NKAIN1: variants seen among roughly 807,000 people sequenced by gnomAD.
NKAIN1 encodes the protein sodium/potassium transporting ATPase interacting 1, also known as sodium/potassium-transporting ATPase subunit beta-1-interacting protein 1.
Under a neutral mutation model 31.6 loss-of-function variants are expected in NKAIN1, and 13 were observed. The observed-to-expected ratio is 0.41, with a 90% CI of 0.27 to 0.65. The LOEUF (loss-of-function observed/expected upper bound fraction) is 0.65, where lower values mean the gene tolerates loss of function less well. Among genes scored for constraint, NKAIN1 ranks in the 30% least tolerant of loss-of-function variants. The pLI, the probability that NKAIN1 is intolerant of heterozygous loss-of-function variation, is 0.30. For synonymous variants in NKAIN1, 104 were observed against 109.0 expected, an observed-to-expected ratio of 0.95 and a Z score of 0.28; for missense variants, 193 against 262.2, an observed-to-expected ratio of 0.74 and a Z score of 1.82.
At chr1:31,220,197 A>G (rs1199342440) in intron 1 of NKAIN1, among the ~76,000 whole-genome samples, 2 of 101,548 alleles carry the variant, frequency 2.0e-5, no homozygotes, top group Non-Finnish European at 4.2e-5. Flanking sequence ...TTTTTTTTTT[A>G]GTACAGACGG....
At chr1:31,192,198 G>T (rs1439473633) in intron 1 of NKAIN1, among the ~76,000 whole-genome samples, 1 of 152,172 alleles carries the variant, frequency 6.6e-6, no homozygotes, top group Non-Finnish European at 1.5e-5. Context: ...TGGAGTGGGG[G>T]CTGTTCTTCC....
Position 31,218,034 on chromosome 1 carries a change from TTCTTTCTTTC to T in NKAIN1, c.54+21450_54+21459del, listed in dbSNP as rs1306428191. 4.1e-5 allele frequency among the ~76,000 whole-genome samples: 4 copies of T among 96,774 alleles called. No homozygotes were observed. In the East Asian group the frequency reaches 1.3e-3, roughly 31 times the overall value. 63.5% of individuals were successfully genotyped at this position (96,774 alleles called of 152,430 possible). ...GCTACCATTTTCTTTCTTTCTTTCT[TTCTTTCTTTC>T]TTTCTTTCTTTCTTTCTTTCTTTCT... On this transcript the variant is annotated intron_variant, in intron 1 of 6. Coordinates refer to ENST00000373736, the MANE Select transcript of NKAIN1 (RefSeq NM_024522.3).
intron 4 of NKAIN1, among the ~76,000 whole-genome samples, chr1:31,183,436 C>CTTTTTTTTTTTTTTTTTTTT (rs3046278): frequency 1.9e-5 from 2 of 106,718 alleles, no homozygotes; most frequent in African/African-American, 1.1e-4. Context: ...TTCATTCCCT[C>CTTTTTTTTTTTTTTTTTTTT]TTTTTTTTTT....
chr1:31,220,174 ATTTTTTT>A (rs552267355), intron 1 of NKAIN1, among the ~76,000 whole-genome samples: 1 of 127,278 alleles, frequency 7.9e-6, no homozygotes, highest in African/African-American at 2.7e-5. Flanking sequence ...CGCCCAGCTA[ATTTTTTT>A]TTTTTTTTTT....
At chr1:31,226,771 G>A (rs898783328) in intron 1 of NKAIN1, among the ~76,000 whole-genome samples, 10 of 151,730 alleles carry the variant, frequency 6.6e-5, no homozygotes, top group African/African-American at 2.2e-4. Flanking sequence ...TAATCTGCCC[G>A]CCTCCGTCTC....
At chr1:31,212,551 C>T (rs1019261750) in intron 1 of NKAIN1, among the ~76,000 whole-genome samples, 2 of 152,072 alleles carry the variant, frequency 1.3e-5, no homozygotes, top group Non-Finnish European at 2.9e-5. Context: ...GCCGCAGGCA[C>T]ACACCACCAA....
chr1:31,208,805 G>A (rs977457753), intron 1 of NKAIN1, among the ~76,000 whole-genome samples: 3 of 152,196 alleles, frequency 2.0e-5, no homozygotes, highest in African/African-American at 4.8e-5. Context: ...TTCCTGTTCC[G>A]TGCCACACTC....
chr1:31,239,487 C>T lies in NKAIN1; in HGVS notation c.54+7G>A. On this transcript the variant is annotated splice_region_variant and intron_variant, in intron 1 of 6. Coordinates refer to ENST00000373736, the MANE Select transcript of NKAIN1 (RefSeq NM_024522.3). This position sits in a 1 kb window ranked among gnomAD's most constrained non-coding sequence, Gnocchi z 4.8. ...CTGCCCCGACTGCCTGGGCACGCGA[C>T]GCTTACCAGCTGCAGGCAGCAGAAG... 6.9e-7 allele frequency: 1 copy of T among 1,439,750 alleles called. No individual in the cohort carries two copies. The highest frequency in any genetic ancestry group is 9.1e-7 in the Non-Finnish European group (1 of 1,101,024). The allele number at this position is 1,439,750 out of a possible 1,614,324, so 89.2% of individuals were successfully genotyped here.
intron 1 of NKAIN1, among the ~76,000 whole-genome samples, chr1:31,212,402 C>CTTTCTTTCTT (rs1557658033): frequency 4.9e-5 from 3 of 61,082 alleles, no homozygotes; most frequent in African/African-American, 1.2e-4. Flanking sequence ...GTAATAGTTT[C>CTTTCTTTCTT]TTTTTTTTTT....
chr1:31,197,924 G>A (rs1251539895), intron 1 of NKAIN1, among the ~76,000 whole-genome samples: 2 of 151,980 alleles, frequency 1.3e-5, no homozygotes, highest in Non-Finnish European at 2.9e-5. Flanking sequence ...TGGTGTGATC[G>A]CGGCTCACTG....
chr1:31,232,424 TAGAGAGAG>T (rs34605060), intron 1 of NKAIN1, among the ~76,000 whole-genome samples: 239 of 16,854 alleles, frequency 0.014, 7 homozygotes, highest in Middle Eastern at 0.083. Flanking sequence ...TATATATATA[TAGAGAGAG>T]AGAGAGAGAG....
chr1:31,223,067 G>A (rs951751941), intron 1 of NKAIN1, among the ~76,000 whole-genome samples: 4 of 152,118 alleles, frequency 2.6e-5, no homozygotes, highest in African/African-American at 7.2e-5. Flanking sequence ...AAAAGCAGCG[G>A]CTCTGGGATC....
intron 1 of NKAIN1, among the ~76,000 whole-genome samples, chr1:31,235,181 C>T (rs1246696067): frequency 2.0e-5 from 3 of 152,036 alleles, no homozygotes; most frequent in African/African-American, 7.2e-5. Context: ...ATGGGGATTC[C>T]CTAGGGCAAA....
intron 1 of NKAIN1, among the ~76,000 whole-genome samples, chr1:31,195,473 GC>G (rs1472243468): frequency 6.6e-6 from 1 of 151,808 alleles, no homozygotes. Context: ...GCCGCGGCTG[GC>G]CCCCGCCACC....
In NKAIN1 at chr1:31,211,967, C is replaced by CAAAAA. The variant is rs1197251304; in HGVS notation, c.55-23785_55-23781dup. Among the ~76,000 whole-genome samples, 161 of 149,412 alleles carry CAAAAA rather than the reference C, an allele frequency of 1.1e-3. 1 individual carries two copies. The highest frequency in any genetic ancestry group is 4.0e-3 in the African/African-American group (156 of 39,370). ...AAAAACAAAACAAAACAAAACAAAA[C>CAAAAA]AAAAATATATATATGGAGTTCAAAT... On this transcript the variant is annotated intron_variant, in intron 1 of 6. Coordinates refer to ENST00000373736, the MANE Select transcript of NKAIN1 (RefSeq NM_024522.3).
At chr1:31,196,198 G>T (rs1645325042) in intron 1 of NKAIN1, among the ~76,000 whole-genome samples, 1 of 151,952 alleles carries the variant, frequency 6.6e-6, no homozygotes, top group Non-Finnish European at 1.5e-5. Context: ...GGCCAACATG[G>T]TGAAACCCCG....
chr1:31,187,246 T>TCGAGGGAAAAG (rs1645251062), intron 2 of NKAIN1, among the ~76,000 whole-genome samples: 1 of 152,048 alleles, frequency 6.6e-6, no homozygotes, highest in South Asian at 2.1e-4. Context: ...ATGTAGTAAA[T>TCGAGGGAAAAG]CTAGTGAAAA....
intron 1 of NKAIN1, among the ~76,000 whole-genome samples, chr1:31,218,072 T>TCTCTCTCTCTC (rs1645531953): frequency 3.2e-5 from 1 of 31,268 alleles, no homozygotes; most frequent in Non-Finnish European, 9.0e-5. Context: ...TTCTTTCTTT[T>TCTCTCTCTCTC]TTTTTTTTGA....
chr1:31,224,087 G>C (rs758649520), intron 1 of NKAIN1, among the ~76,000 whole-genome samples: 10 of 152,136 alleles, frequency 6.6e-5, no homozygotes, highest in African/African-American at 1.9e-4. Flanking sequence ...CCTGTAAAGC[G>C]GTTTCCAGTG....
Sources: gnomAD v4.1 joint callset for allele counts (sites outside exome capture counted in the v4.1 genomes callset) on GRCh38, gnomAD v4.1.1 for gene constraint, Gnocchi (gnomAD v3.1) non-coding constraint, MANE v1.5 for transcripts, NCBI Gene and HGNC (gene_info 2026-07-23, HGNC 2026-07-21) for gene names.